The following PVT1 variants were observed in gnomAD, a reference collection of about 807,000 sequenced individuals.
The protein encoded by PVT1 is Pvt1 oncogene, also known as CXCR4/PVT1 fusion.
At chr8:128,087,383 T>C (rs1360069557) in intron 5 of PVT1, among the ~76,000 whole-genome samples, 1 of 152,240 alleles carries the variant, frequency 6.6e-6, no homozygotes, top group African/African-American at 2.4e-5. Flanking sequence ...GACATTATCC[T>C]AGTTTGCCGG....
At chr8:127,984,469 T>C (rs1398654940) in intron 3 of PVT1, among the ~76,000 whole-genome samples, 1 of 152,172 alleles carries the variant, frequency 6.6e-6, no homozygotes, top group African/African-American at 2.4e-5. Context: ...GCAACAGGAA[T>C]AAGGACAACA....
chr8:127,865,756 C>A (rs573098673), intron 2 of PVT1, among the ~76,000 whole-genome samples: 1 of 152,302 alleles, frequency 6.6e-6, no homozygotes, highest in East Asian at 1.9e-4. Flanking sequence ...TGAGTTTGTA[C>A]TAGTTTGTTC....
At chr8:127,878,917 G>A (rs1239921221) in intron 2 of PVT1, among the ~76,000 whole-genome samples, 2 of 152,320 alleles carry the variant, frequency 1.3e-5, no homozygotes, top group Middle Eastern at 3.4e-3. Context: ...TGAGCCTAGG[G>A]GGAATGATAT....
At chr8:127,915,267 T>C (rs1489935629) in intron 3 of PVT1, among the ~76,000 whole-genome samples, 2 of 152,054 alleles carry the variant, frequency 1.3e-5, no homozygotes, top group Non-Finnish European at 2.9e-5. Flanking sequence ...TTATGCAGAT[T>C]TTACCTCCAT....
intron 2 of PVT1, among the ~76,000 whole-genome samples, chr8:127,843,125 G>T (rs1814991067): frequency 6.6e-6 from 1 of 152,220 alleles, no homozygotes; most frequent in Non-Finnish European, 1.5e-5. Context: ...GGAGGCTGAG[G>T]CGGGTGGATC....
At chr8:128,037,818 G>C (rs1482870597) in intron 4 of PVT1, among the ~76,000 whole-genome samples, 1 of 152,170 alleles carries the variant, frequency 6.6e-6, no homozygotes, top group Non-Finnish European at 1.5e-5. Flanking sequence ...GCCTTTCCTG[G>C]GCTTGGTGGG....
intron 3 of PVT1, among the ~76,000 whole-genome samples, chr8:127,957,687 C>T (rs1480134221): frequency 4.6e-5 from 7 of 152,134 alleles, no homozygotes; most frequent in Non-Finnish European, 7.3e-5. Flanking sequence ...TTGCCTAGGG[C>T]CAAACAGCTC....
intron 3 of PVT1, among the ~76,000 whole-genome samples, chr8:127,973,711 G>T (rs1292623075): frequency 6.7e-6 from 1 of 150,266 alleles, no homozygotes; most frequent in Non-Finnish European, 1.5e-5. Context: ...AAACACGGTG[G>T]CTCACACCTG....
intron 2 of PVT1, among the ~76,000 whole-genome samples, chr8:127,850,496 T>C (rs1815096137): frequency 6.6e-6 from 1 of 152,102 alleles, no homozygotes; most frequent in Non-Finnish European, 1.5e-5. Flanking sequence ...GGTGTAGATT[T>C]CATACCACAG....
chr8:128,100,162 CTTT>C (rs57225209), intron 6 of PVT1, among the ~76,000 whole-genome samples: 9,233 of 62,260 alleles, frequency 0.15, 856 homozygotes, highest in African/African-American at 0.33. Flanking sequence ...TTCCTTCCTT[CTTT>C]CCTCCCTCCC....
intron 3 of PVT1, among the ~76,000 whole-genome samples, chr8:127,978,275 C>T (rs1448616031): frequency 6.6e-6 from 1 of 151,770 alleles, no homozygotes; most frequent in Non-Finnish European, 1.5e-5. Context: ...CCTCAGCCTC[C>T]CTGAGTAGCT....
At chr8:127,910,276 G>A (rs542042854) in intron 3 of PVT1, among the ~76,000 whole-genome samples, 2 of 152,238 alleles carry the variant, frequency 1.3e-5, no homozygotes, top group South Asian at 2.1e-4. Flanking sequence ...GTACAGGGTC[G>A]TGGAAACATG....
intron 2 of PVT1, among the ~76,000 whole-genome samples, chr8:127,869,292 G>A (rs555961088): frequency 4.1e-4 from 62 of 151,724 alleles, no homozygotes; most frequent in Admixed American, 7.9e-4. Flanking sequence ...CACCACACCC[G>A]GCTAATTTTT....
chr8:127,808,135 C>T (rs1337127794), intron 2 of PVT1, among the ~76,000 whole-genome samples: 1 of 152,126 alleles, frequency 6.6e-6, no homozygotes, highest in African/African-American at 2.4e-5. Context: ...GCAACCTCCA[C>T]CTCCTGGGTT....
chr8:127,944,596 C>A (rs575120998), intron 3 of PVT1, among the ~76,000 whole-genome samples: 2 of 150,274 alleles, frequency 1.3e-5, no homozygotes, highest in African/African-American at 4.9e-5. Flanking sequence ...CCATTATGGA[C>A]GATCAGGCAT....
At chr8:127,982,311 T>G (rs1202506571) in intron 3 of PVT1, among the ~76,000 whole-genome samples, 1 of 152,122 alleles carries the variant, frequency 6.6e-6, no homozygotes, top group African/African-American at 2.4e-5. Context: ...CTAAACACTC[T>G]CCAGTAAAAT....
chr8:128,050,869 A>G (rs1813686162), intron 4 of PVT1, among the ~76,000 whole-genome samples: 1 of 152,148 alleles, frequency 6.6e-6, no homozygotes, highest in African/African-American at 2.4e-5. Flanking sequence ...CCATTCCATC[A>G]TTCACTTCCT....
chr8:127,978,946 TGCCCAG>T (rs2129976172), intron 3 of PVT1, among the ~76,000 whole-genome samples: 1 of 152,356 alleles, frequency 6.6e-6, no homozygotes, highest in South Asian at 2.1e-4. Flanking sequence ...CTCACTATGT[TGCCCAG>T]GCTGATCTCA....
At chr8:127,965,577 C>A (rs1447656096) in intron 3 of PVT1, among the ~76,000 whole-genome samples, 1 of 152,204 alleles carries the variant, frequency 6.6e-6, no homozygotes. Context: ...AGCCAAATGG[C>A]CATCCTGGGT....
Sources: allele counts gnomAD v4.1 joint callset (sites outside exome capture counted in the v4.1 genomes callset), GRCh38; gene constraint gnomAD v4.1.1; transcripts MANE v1.5; gene names NCBI Gene and HGNC (gene_info 2026-07-23, HGNC 2026-07-21).